Variants in SPATA17 observed in about 807,000 individuals in gnomAD.
The protein encoded by SPATA17 is spermatogenesis associated 17.
In SPATA17, 53 loss-of-function variants were observed where a neutral mutation model predicts 62.2. That is an observed-to-expected ratio of 0.85 (90% CI 0.68 to 1.07). The LOEUF is 1.07. SPATA17 is among the 50% of genes least tolerant of loss of function. SPATA17 has a pLI of 0.00. For missense variants in SPATA17, 466 were observed against 425.5 expected, an observed-to-expected ratio of 1.10 and a Z score of -0.84; for synonymous variants, 146 against 146.8, an observed-to-expected ratio of 0.99 and a Z score of 0.04.
At position 217,657,469 on chromosome 1, in the gene SPATA17, A is replaced by G. The variant is rs184153034; in HGVS notation, c.240+6291A>G. ...TGTAAATCTTCTGAAGCAAGAGTGCATGAAATGATCTGCTGTTTTCCTGGG... is the reference window on the plus strand; with the variant it reads ...TGTAAATCTTCTGAAGCAAGAGTGCGTGAAATGATCTGCTGTTTTCCTGGG... On this transcript the variant is annotated intron_variant, in intron 3 of 10. Coordinates refer to ENST00000366933, the MANE Select transcript of SPATA17 (RefSeq NM_138796.4). Among the ~76,000 whole-genome samples, 197 of 152,326 alleles carry G rather than the reference A, an allele frequency of 1.3e-3. 2 individuals carry two copies. The highest frequency in any genetic ancestry group is 4.5e-3 in the African/African-American group (188 of 41,586).
At position 217,774,340 on chromosome 1, in the gene SPATA17, G is replaced by A. The variant is rs769040303; in HGVS notation, c.526G>A (p.Gly176Arg). 1.9e-6 allele frequency: 3 copies of A among 1,612,860 alleles called. No individual in the cohort carries two copies. The highest frequency in any genetic ancestry group is 2.5e-6 in the Non-Finnish European group (3 of 1,179,402). Reference protein sequence around the residue: ...HYLLSTKQIPGIYNSPFRKEP... With the variant: ...HYLLSTKQIPRIYNSPFRKEP... ...TTGCTTTCTTCTTCTTTAGATTCCAGGAATATACAATTCACCCTTCAGAAA... is the reference window on the plus strand; with the variant it reads ...TTGCTTTCTTCTTCTTTAGATTCCAAGAATATACAATTCACCCTTCAGAAA... The change falls in exon 7 of 11, where the codon GGA becomes AGA. Residue 176 changes from glycine (G) to arginine (R), a missense_variant. Gly to Arg is a moderately radical substitution (Grantham distance 125, BLOSUM62 -2). Transcript: ENST00000366933.
intron 4 of SPATA17, among the ~76,000 whole-genome samples, chr1:217,674,331 C>T (rs959300180): frequency 1.3e-5 from 2 of 152,174 alleles, no homozygotes; most frequent in Non-Finnish European, 2.9e-5. Context: ...TTTATTTATA[C>T]CCTCTTCTAG....
intron 7 of SPATA17, among the ~76,000 whole-genome samples, chr1:217,780,567 A>G (rs1305369853): frequency 6.6e-6 from 1 of 152,172 alleles, no homozygotes; most frequent in Non-Finnish European, 1.5e-5. Context: ...CTTATCAACA[A>G]AGGTTAGAAG....
intron 1 of SPATA17, among the ~76,000 whole-genome samples, chr1:217,644,087 CT>C (rs1356690269): frequency 1.3e-5 from 2 of 152,112 alleles, no homozygotes; most frequent in Admixed American, 6.5e-5. Context: ...ATTATAATGA[CT>C]TTGTTTTCCA....
At chr1:217,782,880 TTCTC>T (rs1015763336) in intron 8 of SPATA17, among the ~76,000 whole-genome samples, 3 of 151,932 alleles carry the variant, frequency 2.0e-5, no homozygotes, top group Non-Finnish European at 2.9e-5. Context: ...CTCAGGCACT[TTCTC>T]TCTCTTAAGA....
intron 6 of SPATA17, among the ~76,000 whole-genome samples, chr1:217,768,713 C>G (rs1303441735): frequency 6.6e-6 from 1 of 151,946 alleles, no homozygotes; most frequent in South Asian, 2.1e-4. Flanking sequence ...AGGTTGGTCT[C>G]CAATTCCTGA....
intron 9 of SPATA17, among the ~76,000 whole-genome samples, chr1:217,816,922 T>A (rs1468194564): frequency 6.6e-6 from 1 of 152,072 alleles, no homozygotes; most frequent in Non-Finnish European, 1.5e-5. Flanking sequence ...ATACATACTA[T>A]TGATCAAATA....
intron 6 of SPATA17, among the ~76,000 whole-genome samples, chr1:217,767,870 G>T (rs1673339913): frequency 6.6e-6 from 1 of 152,050 alleles, no homozygotes; most frequent in Non-Finnish European, 1.5e-5. Context: ...CTCTTTAACT[G>T]CCTGTGTTTC....
At chr1:217,652,642 C>T (rs990875945) in intron 3 of SPATA17, among the ~76,000 whole-genome samples, 8 of 152,048 alleles carry the variant, frequency 5.3e-5, no homozygotes, top group African/African-American at 1.9e-4. Flanking sequence ...TCTGTTTCTG[C>T]TTAACATTTT....
At chr1:217,640,201 C>A (rs1670028701) in intron 1 of SPATA17, among the ~76,000 whole-genome samples, 1 of 151,870 alleles carries the variant, frequency 6.6e-6, no homozygotes, top group African/African-American at 2.4e-5. Context: ...GTTGTCTCAA[C>A]AGCAGTTATT....
chr1:217,689,997 A>C (rs1420923239), intron 5 of SPATA17, among the ~76,000 whole-genome samples: 2 of 151,122 alleles, frequency 1.3e-5, no homozygotes, highest in African/African-American at 4.9e-5. Context: ...TCCGCCTCCC[A>C]GGTTCAAGCG....
At chr1:217,783,141 T>A (rs1673772241) in intron 8 of SPATA17, among the ~76,000 whole-genome samples, 1 of 150,688 alleles carries the variant, frequency 6.6e-6, no homozygotes, top group South Asian at 2.1e-4. Context: ...ATTTATTGCA[T>A]TTACATAATC....
intron 1 of SPATA17, among the ~76,000 whole-genome samples, chr1:217,636,026 G>A (rs1669928745): frequency 6.6e-6 from 1 of 151,112 alleles, no homozygotes; most frequent in South Asian, 2.1e-4. Context: ...CCAGCTAATC[G>A]GGAGGCTGAG....
At chr1:217,748,108 C>T (rs1437907202) in intron 6 of SPATA17, among the ~76,000 whole-genome samples, 1 of 151,278 alleles carries the variant, frequency 6.6e-6, no homozygotes, top group Non-Finnish European at 1.5e-5. Context: ...TCGAGATAAT[C>T]CTGGCTAACA....
intron 9 of SPATA17, among the ~76,000 whole-genome samples, chr1:217,825,669 T>C (rs1674983806): frequency 6.6e-6 from 1 of 152,048 alleles, no homozygotes; most frequent in Non-Finnish European, 1.5e-5. Context: ...GATTTTAGGA[T>C]ATTTACATCT....
intron 1 of SPATA17, among the ~76,000 whole-genome samples, chr1:217,637,021 A>T (rs1162626739): frequency 2.0e-5 from 3 of 152,204 alleles, no homozygotes; most frequent in Non-Finnish European, 4.4e-5. Flanking sequence ...GCTGAGGAAG[A>T]GGGCAAGAAG....
At chr1:217,651,939 C>A (rs1395591230) in intron 3 of SPATA17, among the ~76,000 whole-genome samples, 2 of 152,170 alleles carry the variant, frequency 1.3e-5, no homozygotes, top group African/African-American at 4.8e-5. Context: ...TGTCCATGAA[C>A]ACATAGTGGT....
chr1:217,805,982 T>G (rs1674423588), intron 9 of SPATA17, among the ~76,000 whole-genome samples: 1 of 152,126 alleles, frequency 6.6e-6, no homozygotes. Context: ...TGGGAGAAAC[T>G]TGCCTCATCC....
At chr1:217,840,398 C>A (rs1675363599) in intron 9 of SPATA17, among the ~76,000 whole-genome samples, 1 of 152,078 alleles carries the variant, frequency 6.6e-6, no homozygotes, top group Non-Finnish European at 1.5e-5. Context: ...AGCCTCAGAA[C>A]TAACTAACCT....
Sources: allele counts gnomAD v4.1 joint callset (sites outside exome capture counted in the v4.1 genomes callset), GRCh38; gene constraint gnomAD v4.1.1; transcripts MANE v1.5; gene names NCBI Gene and HGNC (gene_info 2026-07-23, HGNC 2026-07-21).